Variants in MDGA2 observed in about 807,000 individuals in gnomAD.
MDGA2 encodes MAM domain containing glycosylphosphatidylinositol anchor 2.
In MDGA2, 40 loss-of-function variants were observed where a neutral mutation model predicts 117.8. That is an observed-to-expected ratio of 0.34 (90% CI 0.26 to 0.44). The LOEUF (loss-of-function observed/expected upper bound fraction) is 0.44, where lower values mean the gene tolerates loss of function less well. MDGA2 is among the 20% of genes least tolerant of loss of function. The pLI is 1.00. For missense variants in MDGA2, 1,123 were observed against 1,250.6 expected, an observed-to-expected ratio of 0.90 and a Z score of 1.54; for synonymous variants, 452 against 439.0, an observed-to-expected ratio of 1.03 and a Z score of -0.37.
chr14:46,925,808 TC>T (rs1323506437), intron 9 of MDGA2, among the ~76,000 whole-genome samples: 21 of 152,042 alleles, frequency 1.4e-4, no homozygotes, highest in Non-Finnish European at 2.2e-4. Context: ...TTTTAACTGA[TC>T]TTAAAGAAGA....
chr14:47,635,847 G>A (rs897635543), intron 1 of MDGA2, among the ~76,000 whole-genome samples: 6 of 152,048 alleles, frequency 3.9e-5, no homozygotes, highest in African/African-American at 1.4e-4. Context: ...TTTAATACAA[G>A]CAGTGTGTGA....
intron 9 of MDGA2, among the ~76,000 whole-genome samples, chr14:46,926,461 T>C (rs1310843684): frequency 6.6e-6 from 1 of 150,952 alleles, no homozygotes; most frequent in Non-Finnish European, 1.5e-5. Flanking sequence ...AAATCACAGC[T>C]CTAGAAGCTA....
chr14:47,324,817 T>C (rs1352924056), intron 1 of MDGA2, among the ~76,000 whole-genome samples: 2 of 152,030 alleles, frequency 1.3e-5, no homozygotes, highest in African/African-American at 2.4e-5. Context: ...GTAAATGTTG[T>C]AATTCAGTAT....
At chr14:46,941,830 G>A (rs1403076605) in intron 9 of MDGA2, among the ~76,000 whole-genome samples, 1 of 152,102 alleles carries the variant, frequency 6.6e-6, no homozygotes, top group African/African-American at 2.4e-5. Context: ...TTTTTAGACT[G>A]TTTCTTATTA....
intron 2 of MDGA2, among the ~76,000 whole-genome samples, chr14:47,229,460 A>G (rs1886615115): frequency 6.6e-6 from 1 of 152,118 alleles, no homozygotes; most frequent in Admixed American, 6.6e-5. Context: ...ATTCAGAATT[A>G]GCAGGCAAAC....
chr14:46,882,749 AAAAT>A (rs902678617), intron 10 of MDGA2, among the ~76,000 whole-genome samples: 46 of 152,020 alleles, frequency 3.0e-4, no homozygotes, highest in African/African-American at 1.1e-3. Flanking sequence ...ACAATAGAGA[AAAAT>A]AAAAAATCAC....
At chr14:46,989,931 T>C (rs960003703) in intron 8 of MDGA2, among the ~76,000 whole-genome samples, 4 of 152,148 alleles carry the variant, frequency 2.6e-5, no homozygotes, top group Non-Finnish European at 5.9e-5. Flanking sequence ...AATTTATCCA[T>C]ATTATGAAAT....
At chr14:46,900,816 G>A (rs1013600896) in intron 10 of MDGA2, among the ~76,000 whole-genome samples, 2 of 152,050 alleles carry the variant, frequency 1.3e-5, no homozygotes, top group Non-Finnish European at 2.9e-5. Context: ...AAACAAATGA[G>A]TGCATGCATG....
At chr14:47,072,182 G>C (rs1372804378) in intron 6 of MDGA2, among the ~76,000 whole-genome samples, 1 of 146,276 alleles carries the variant, frequency 6.8e-6, no homozygotes, top group Non-Finnish European at 1.5e-5. Flanking sequence ...TAAGAAATAA[G>C]AGTCACACGT....
chr14:47,667,708 T>C (rs921797506), intron 1 of MDGA2, among the ~76,000 whole-genome samples: 1 of 152,250 alleles, frequency 6.6e-6, no homozygotes, highest in African/African-American at 2.4e-5. Context: ...CATTAAGACT[T>C]AGAGACGCCT....
At chr14:47,308,504 T>TG (rs1889532081) in intron 1 of MDGA2, among the ~76,000 whole-genome samples, 1 of 1,992 alleles carries the variant, frequency 5.0e-4, no homozygotes, top group African/African-American at 7.7e-4. Flanking sequence ...TTCTGTTAGT[T>TG]TTTTTTTTTT....
chr14:47,640,262 A>G (rs1370489293), intron 1 of MDGA2, among the ~76,000 whole-genome samples: 2 of 152,116 alleles, frequency 1.3e-5, no homozygotes, highest in Admixed American at 1.3e-4. Flanking sequence ...CTGATGGTGT[A>G]TATCCAGTTT....
intron 8 of MDGA2, among the ~76,000 whole-genome samples, chr14:46,966,343 G>C (rs1442484680): frequency 6.6e-6 from 1 of 152,134 alleles, no homozygotes; most frequent in East Asian, 1.9e-4. Context: ...GATACTACCA[G>C]TGGTTCATGA....
chr14:47,567,700 C>T (rs1421967910), intron 1 of MDGA2, among the ~76,000 whole-genome samples: 1 of 152,214 alleles, frequency 6.6e-6, no homozygotes, highest in Non-Finnish European at 1.5e-5. Flanking sequence ...ACTTCCCTAA[C>T]ACCCCTGTTT....
intron 1 of MDGA2, among the ~76,000 whole-genome samples, chr14:47,488,778 C>G (rs1009412466): frequency 5.3e-5 from 8 of 151,902 alleles, no homozygotes; most frequent in African/African-American, 1.7e-4. Flanking sequence ...GATGATAATT[C>G]ATAACACTCT....
At chr14:47,058,661 C>T (rs947410055) in intron 7 of MDGA2, 1 of 985,160 alleles carries the variant, frequency 1.0e-6, no homozygotes, top group African/African-American at 1.7e-5. Context: ...ATCATACAAT[C>T]TCAGATTTAT....
rs568379876 is a variant in MDGA2 at position 47,207,293 on chromosome 14, G to A, written c.595+10728C>T. On this transcript the variant is annotated intron_variant, in intron 3 of 16. Coordinates refer to ENST00000399232, the MANE Select transcript of MDGA2 (RefSeq NM_001113498.3). ...GAGGAATTTAATTTCAACAGAATAG[G>A]AGAAAAAATAAGCAGAGGGGCTTGG... Among the ~76,000 whole-genome samples the A allele has an allele frequency of 4.8e-4, 73 of 151,990 alleles. 1 individual carries two copies. Among genetic ancestry groups the A allele is most frequent in the South Asian group, 2.7e-3 (13 of 4,810 alleles).
intron 1 of MDGA2, among the ~76,000 whole-genome samples, chr14:47,325,121 A>G (rs1261486744): frequency 7.2e-5 from 11 of 152,204 alleles, no homozygotes. Flanking sequence ...GAGAAGTGGG[A>G]AATAGCATTG....
At chr14:47,101,629 G>C (rs1473907597) in intron 5 of MDGA2, among the ~76,000 whole-genome samples, 1 of 152,174 alleles carries the variant, frequency 6.6e-6, no homozygotes, top group Non-Finnish European at 1.5e-5. Context: ...GGAGCAGAGA[G>C]ACCAGCTAGC....
Sources: allele counts gnomAD v4.1 joint callset (sites outside exome capture counted in the v4.1 genomes callset), GRCh38; gene constraint gnomAD v4.1.1; transcripts MANE v1.5; gene names NCBI Gene and HGNC (gene_info 2026-07-23, HGNC 2026-07-21).